Variants in NTN4 observed in about 807,000 individuals in gnomAD.
NTN4 encodes the protein netrin 4, also known as netrin-4.
In NTN4, 32 loss-of-function variants were observed where a neutral mutation model predicts 73.6. The observed-to-expected ratio is 0.44, with a 90% CI of 0.33 to 0.58. The LOEUF is 0.58. NTN4 is among the 20% of genes least tolerant of loss of function. The probability of loss-of-function intolerance (pLI) is 0.04; values close to 1 mark genes in which losing one functional copy is unlikely to be tolerated. For missense variants in NTN4, 654 were observed against 798.3 expected, an observed-to-expected ratio of 0.82 and a Z score of 2.18; for synonymous variants, 258 against 287.5, an observed-to-expected ratio of 0.90 and a Z score of 1.04.
chr12:95,741,785 T>C (rs1323586693), intron 2 of NTN4, among the ~76,000 whole-genome samples: 2 of 152,052 alleles, frequency 1.3e-5, no homozygotes, highest in African/African-American at 2.4e-5. Flanking sequence ...TCTCTCTCTC[T>C]CAAAATATTT....
At chr12:95,785,102 C>G (rs972871667) in intron 2 of NTN4, among the ~76,000 whole-genome samples, 3 of 148,548 alleles carry the variant, frequency 2.0e-5, no homozygotes, top group Admixed American at 6.7e-5. Context: ...AAACAAGGCC[C>G]AGTAGAGATT....
chr12:95,689,854 T>C (rs547616978), intron 5 of NTN4, among the ~76,000 whole-genome samples: 2 of 152,338 alleles, frequency 1.3e-5, no homozygotes, highest in Admixed American at 1.3e-4. Flanking sequence ...TCTGATCACA[T>C]TCTACTTTGC....
intron 2 of NTN4, among the ~76,000 whole-genome samples, chr12:95,746,142 C>T (rs527865788): frequency 6.1e-4 from 93 of 152,254 alleles, no homozygotes; most frequent in African/African-American, 2.2e-3. Context: ...GCCCCTTCCT[C>T]AAGGACTTAA....
intron 2 of NTN4, among the ~76,000 whole-genome samples, chr12:95,782,675 T>C (rs1479214036): frequency 2.0e-5 from 3 of 152,238 alleles, no homozygotes; most frequent in Non-Finnish European, 4.4e-5. Context: ...TGACTCTGAC[T>C]TTACAGTCCT....
chr12:95,702,298 C>CAAAAAAAAAGAAAAAAAAAAA (rs2078490975), intron 5 of NTN4, among the ~76,000 whole-genome samples: 1 of 100,200 alleles, frequency 1.0e-5, no homozygotes, highest in Non-Finnish European at 2.2e-5. Context: ...AAAAAAAAAA[C>CAAAAAAAAAGAAAAAAAAAAA]AAAAAAAAAG....
At chr12:95,696,715 T>C (rs1265256877) in intron 5 of NTN4, among the ~76,000 whole-genome samples, 1 of 152,206 alleles carries the variant, frequency 6.6e-6, no homozygotes, top group African/African-American at 2.4e-5. Flanking sequence ...CACAGGATTG[T>C]AGTACTGGAT....
chr12:95,736,547 T>C (rs767465344), intron 3 of NTN4, among the ~76,000 whole-genome samples: 5 of 152,226 alleles, frequency 3.3e-5, no homozygotes, highest in East Asian at 1.9e-4. Flanking sequence ...GTCTGGTAGG[T>C]TGACATGTCT....
At chr12:95,738,736 C>CA (rs1456665026) in intron 2 of NTN4, among the ~76,000 whole-genome samples, 2 of 150,280 alleles carry the variant, frequency 1.3e-5, no homozygotes, top group Non-Finnish European at 3.0e-5. Flanking sequence ...AATTTCATAC[C>CA]AAAAGTATGA....
At position 95,682,744 on chromosome 12, in the gene NTN4, C is replaced by T. The variant is rs868786823; in HGVS notation, c.1473G>A (p.Trp491Ter). The change falls in exon 7 of 10, where the codon TGG becomes TGA. Residue 491 changes from tryptophan to a stop codon, truncating the protein, a stop_gained. Coordinates refer to ENST00000343702, the MANE Select transcript of NTN4 (RefSeq NM_021229.4). LOFTEE classifies it high-confidence loss of function. ...GTGCAGAAAACCCCTGCGCATCCTC[C>T]CACTCCCAGGCTGGTTCGCTCTTAT... The part of the protein sequence containing the change: ...VHNKSEPAWE[W>*]EDAQGFSALL... 2 of 1,613,468 alleles carry T rather than the reference C, an allele frequency of 1.2e-6. No homozygotes were observed. The highest frequency in any genetic ancestry group is 2.2e-5 in the East Asian group (1 of 44,788).
At chr12:95,716,862 T>A (rs934660125) in intron 3 of NTN4, among the ~76,000 whole-genome samples, 7 of 152,152 alleles carry the variant, frequency 4.6e-5, no homozygotes, top group Non-Finnish European at 8.8e-5. Flanking sequence ...CAGGCTGAAG[T>A]GTAATGGTGT....
chr12:95,683,552 C>A lies in NTN4; in HGVS notation c.1340G>T (p.Arg447Leu), dbSNP rs370900900. The A allele has an allele frequency of 2.7e-5, 44 of 1,614,022 alleles. No individual in the cohort carries two copies. The highest frequency in any genetic ancestry group is 3.6e-5 in the Non-Finnish European group (42 of 1,180,044). Residue 447 changes from arginine (R) to leucine (L), a missense_variant, in exon 6 of 10, where the codon CGA (arginine) becomes CTA (leucine). By Grantham distance (102) the Arg-to-Leu change is moderately radical. Transcript: ENST00000343702. ...ACAGCTCCCCGCACAGTCACATGGTCGACAGCCATAGTCTCCGAAGCCCCA... is the reference window on the plus strand; with the variant it reads ...ACAGCTCCCCGCACAGTCACATGGTAGACAGCCATAGTCTCCGAAGCCCCA... ...GYWGFGDYGC[R>L]PCDCAGSCDP... is the part of the protein sequence containing the mutation.
At chr12:95,715,417 A>C (rs1592681476) in intron 3 of NTN4, among the ~76,000 whole-genome samples, 1 of 152,212 alleles carries the variant, frequency 6.6e-6, no homozygotes, top group East Asian at 1.9e-4. Flanking sequence ...TTTTCTTTAT[A>C]GAAATGCAAC....
intron 2 of NTN4, among the ~76,000 whole-genome samples, chr12:95,753,745 A>G: frequency 6.6e-6 from 1 of 151,904 alleles, no homozygotes; most frequent in Non-Finnish European, 1.5e-5. Context: ...CAATACTTTT[A>G]CCACTTTCGC....
At chr12:95,710,652 G>C in intron 4 of NTN4, 23 bp from the exon 5 acceptor site, 1 of 1,601,890 alleles carries the variant, frequency 6.2e-7, no homozygotes, top group African/African-American at 1.3e-5. Flanking sequence ...AGCGTGGAGA[G>C]AAACACTAAT....
At position 95,713,334 on chromosome 12, in the gene NTN4, T is replaced by C. The variant is rs561061802; in HGVS notation, c.869A>G (p.His290Arg). 2 of 1,591,304 alleles carry C rather than the reference T, an allele frequency of 1.3e-6. No homozygotes were observed. Among genetic ancestry groups the C allele is most frequent in the Admixed American group, 1.7e-5 (1 of 59,370 alleles). The change falls in exon 4 of 10, where the codon CAT becomes CGT. Residue 290 changes from histidine to arginine, a missense_variant. Transcript: ENST00000343702. ...VKAPGTFHMV[H>R]GKCMCKHNTA... ...GTTGTGCTTACACATACACTTCCCA[T>C]GGACCTACAAGCAACATCAAGTGAG...
intron 3 of NTN4, among the ~76,000 whole-genome samples, chr12:95,718,857 C>T (rs1047349125): frequency 6.6e-6 from 1 of 152,120 alleles, no homozygotes; most frequent in African/African-American, 2.4e-5. Context: ...TTTCCCATTG[C>T]TTGTGACTAT....
At chr12:95,690,285 C>T (rs766072428) in intron 5 of NTN4, among the ~76,000 whole-genome samples, 2 of 152,172 alleles carry the variant, frequency 1.3e-5, no homozygotes, top group Non-Finnish European at 2.9e-5. Context: ...TAATGAGCAC[C>T]TGCTATGTGC....
At chr12:95,714,531 T>C (rs1336201075) in intron 3 of NTN4, among the ~76,000 whole-genome samples, 1 of 152,192 alleles carries the variant, frequency 6.6e-6, no homozygotes, top group Non-Finnish European at 1.5e-5. Context: ...TAGAAAACTT[T>C]CCTGTCTTTA....
rs1390927684 is a variant in NTN4, at chr12:95,683,483, G to C, written c.1394+15C>G. 6.2e-7 allele frequency: 1 copy of C among 1,607,870 alleles called. No individual in the cohort carries two copies. Among genetic ancestry groups the C allele is most frequent in the Non-Finnish European group, 8.5e-7 (1 of 1,174,724 alleles). On this transcript the variant is annotated intron_variant, in intron 6 of 9. Transcript: ENST00000343702. Reference sequence around the variant, plus strand: ...GAAATACATGCAGCTGAGAGCAAGAGCCTTGCACATTCACCTGCTGATGCA... The same window carrying C: ...GAAATACATGCAGCTGAGAGCAAGACCCTTGCACATTCACCTGCTGATGCA...
Sources: gnomAD v4.1 joint callset for allele counts (sites outside exome capture counted in the v4.1 genomes callset) on GRCh38, gnomAD v4.1.1 for gene constraint, MANE v1.5 for transcripts, NCBI Gene and HGNC (gene_info 2026-07-23, HGNC 2026-07-21) for gene names.